SLC35F4: variants seen among roughly 807,000 people sequenced by gnomAD.
The protein encoded by SLC35F4 is chromosome 14 open reading frame 36.
A neutral mutation model predicts 44.2 loss-of-function variants in SLC35F4; 24 were observed. That is an observed-to-expected ratio of 0.54 (90% CI 0.39 to 0.76). The LOEUF (loss-of-function observed/expected upper bound fraction) is 0.76, where lower values mean the gene tolerates loss of function less well. Among genes scored for constraint, SLC35F4 ranks in the 30% least tolerant of loss-of-function variants. The pLI is 0.00. For missense variants in SLC35F4, 562 were observed against 586.1 expected (o/e 0.96, Z 0.42); for synonymous variants, 238 against 223.6 (o/e 1.06, Z -0.57).
At chr14:57,733,232 T>C (rs7159022) in intron 1 of SLC35F4, among the ~76,000 whole-genome samples, 4,163 of 152,160 alleles carry the variant, frequency 0.027, 182 homozygotes, top group African/African-American at 0.089. Context: ...ACTTTGAAAA[T>C]GAAAGTTTCA....
At chr14:57,786,002 A>T (rs773705495) in intron 1 of SLC35F4, among the ~76,000 whole-genome samples, 6 of 152,290 alleles carry the variant, frequency 3.9e-5, no homozygotes, top group East Asian at 1.9e-4. Context: ...GGCAGCTGGA[A>T]GACGGGTAAC....
intron 1 of SLC35F4, among the ~76,000 whole-genome samples, chr14:57,688,168 G>T (rs79563247): frequency 0.012 from 1,822 of 152,112 alleles, 87 homozygotes; most frequent in East Asian, 0.082. Context: ...GAGGAAAAGA[G>T]AGAAAGAAAG....
intron 1 of SLC35F4, among the ~76,000 whole-genome samples, chr14:57,910,841 G>A (rs1243610464): frequency 6.6e-6 from 1 of 151,956 alleles, no homozygotes; most frequent in East Asian, 1.9e-4. Context: ...TATTGGGATT[G>A]TGTTGAATCT....
At chr14:57,892,538 C>T (rs1007329280) in intron 1 of SLC35F4, among the ~76,000 whole-genome samples, 1 of 152,202 alleles carries the variant, frequency 6.6e-6, no homozygotes, top group African/African-American at 2.4e-5. Context: ...AACCACTTTG[C>T]AGAACAGAAA....
At chr14:57,743,296 T>C (rs1478848201) in intron 1 of SLC35F4, among the ~76,000 whole-genome samples, 5 of 151,918 alleles carry the variant, frequency 3.3e-5, no homozygotes, top group Non-Finnish European at 5.9e-5. Flanking sequence ...CTGGTTTTTC[T>C]GAAAAGATCA....
At position 57,797,949 on chromosome 14, in the gene SLC35F4, G is replaced by C. The variant is rs578027048; in HGVS notation, c.103+67774C>G. Among the ~76,000 whole-genome samples, 98 of 151,890 alleles carry C rather than the reference G, an allele frequency of 6.5e-4. 1 individual carries two copies. The highest frequency in any genetic ancestry group is 2.2e-3 in the African/African-American group (90 of 41,434). On this transcript the variant is annotated intron_variant, in intron 1 of 7. Coordinates refer to ENST00000556826, the MANE Select transcript of SLC35F4 (RefSeq NM_001306087.2). ...AGACATAAAATGTGCTTGTGCATTT[G>C]GGTTGCTCTCCTAACCTCCTGCCAT...
intron 1 of SLC35F4, among the ~76,000 whole-genome samples, chr14:57,926,732 G>A (rs550818588): frequency 3.3e-5 from 5 of 150,178 alleles, no homozygotes; most frequent in Admixed American, 6.6e-5. Context: ...GGTTGGGGGG[G>A]GGGGGTGGAT....
At chr14:57,707,216 AC>A (rs1000323581) in intron 1 of SLC35F4, among the ~76,000 whole-genome samples, 1 of 152,194 alleles carries the variant, frequency 6.6e-6, no homozygotes, top group Non-Finnish European at 1.5e-5. Context: ...ATAAGGTGAC[AC>A]AGAATAAAGA....
chr14:57,731,988 T>A (rs1011603967), intron 1 of SLC35F4, among the ~76,000 whole-genome samples: 2 of 152,154 alleles, frequency 1.3e-5, no homozygotes, highest in African/African-American at 4.8e-5. Flanking sequence ...AATTCCAAGA[T>A]AAAATTTAAG....
chr14:57,826,161 C>T (rs1456195629), intron 1 of SLC35F4, among the ~76,000 whole-genome samples: 1 of 152,114 alleles, frequency 6.6e-6, no homozygotes, highest in Non-Finnish European at 1.5e-5. Flanking sequence ...GGTACAAAAA[C>T]AGACAAATAG....
chr14:57,769,958 A>T (rs2077323668), intron 1 of SLC35F4, among the ~76,000 whole-genome samples: 1 of 152,186 alleles, frequency 6.6e-6, no homozygotes, highest in Admixed American at 6.5e-5. Flanking sequence ...TGCATTAATC[A>T]TTTAAAACAC....
At chr14:57,590,242 A>AC (rs1382644275) in intron 2 of SLC35F4, among the ~76,000 whole-genome samples, 1 of 151,256 alleles carries the variant, frequency 6.6e-6, no homozygotes, top group Non-Finnish European at 1.5e-5. Flanking sequence ...AAAAAAAAAA[A>AC]ATTAGCCGTG....
At chr14:57,616,660 A>G (rs1048753656) in intron 1 of SLC35F4, among the ~76,000 whole-genome samples, 3 of 152,002 alleles carry the variant, frequency 2.0e-5, no homozygotes, top group African/African-American at 7.3e-5. Flanking sequence ...TGTCTCCATC[A>G]CTGCCTGTTT....
intron 1 of SLC35F4, among the ~76,000 whole-genome samples, chr14:57,751,152 A>G (rs2140561637): frequency 6.6e-6 from 1 of 152,292 alleles, no homozygotes; most frequent in South Asian, 2.1e-4. Flanking sequence ...AATTATCCCC[A>G]TTTTCCATAA....
intron 1 of SLC35F4, among the ~76,000 whole-genome samples, chr14:57,898,595 C>T (rs1486474095): frequency 6.6e-6 from 1 of 152,218 alleles, no homozygotes; most frequent in Admixed American, 6.5e-5. Context: ...TATTCATCCA[C>T]TTCAAGTGAG....
chr14:57,745,158 A>G (rs1346237199), intron 1 of SLC35F4, among the ~76,000 whole-genome samples: 2 of 152,250 alleles, frequency 1.3e-5, no homozygotes, highest in African/African-American at 4.8e-5. Context: ...AATACCATTC[A>G]GGACATAGGC....
At chr14:57,821,450 T>C (rs1189822926) in intron 1 of SLC35F4, among the ~76,000 whole-genome samples, 3 of 152,206 alleles carry the variant, frequency 2.0e-5, no homozygotes, top group Non-Finnish European at 4.4e-5. Context: ...CAATAGCTTT[T>C]CAATGGTAAG....
chr14:57,967,573 G>A (rs1047962160), intron 1 of SLC35F4, among the ~76,000 whole-genome samples: 12 of 152,170 alleles, frequency 7.9e-5, no homozygotes, highest in East Asian at 5.8e-4. Context: ...TTGTTTTAAC[G>A]TCTGGCACAT....
At chr14:57,673,409 C>T (rs1422143798) in intron 1 of SLC35F4, among the ~76,000 whole-genome samples, 6 of 152,102 alleles carry the variant, frequency 3.9e-5, no homozygotes, top group Non-Finnish European at 8.8e-5. Flanking sequence ...GTTACTTCAC[C>T]CCTGTGGGTA....
Sources: allele counts gnomAD v4.1 joint callset (sites outside exome capture counted in the v4.1 genomes callset), GRCh38; gene constraint gnomAD v4.1.1; transcripts MANE v1.5; gene names NCBI Gene and HGNC (gene_info 2026-07-23, HGNC 2026-07-21).